NDUFAF2: variants seen among roughly 807,000 people sequenced by gnomAD.
NDUFAF2 encodes NADH dehydrogenase [ubiquinone] 1 alpha subcomplex assembly factor 2.
NDUFAF2 carries 13 observed loss-of-function variants against 22.8 expected under a neutral mutation model. That is an observed-to-expected ratio of 0.57 (90% CI 0.37 to 0.91). The LOEUF (loss-of-function observed/expected upper bound fraction) is 0.91. NDUFAF2 is among the 40% of genes least tolerant of loss of function. NDUFAF2 has a pLI of 0.01. For synonymous variants in NDUFAF2, 53 were observed against 64.2 expected (o/e 0.83, Z 0.84); for missense variants, 162 against 195.2 (o/e 0.83, Z 1.01).
chr5:61,047,566 G>T (rs1751969144), intron 1 of NDUFAF2, among the ~76,000 whole-genome samples: 1 of 152,274 alleles, frequency 6.6e-6, no homozygotes, highest in East Asian at 1.9e-4. Flanking sequence ...ACCAGCCATG[G>T]CTGTTCCCAC....
chr5:61,117,882 A>G (rs1752931733), intron 3 of NDUFAF2, among the ~76,000 whole-genome samples: 1 of 152,070 alleles, frequency 6.6e-6, no homozygotes, highest in Admixed American at 6.6e-5. Context: ...ATCCAATAAA[A>G]CGTTATTTAC....
At chr5:61,042,451 A>G (rs1561549278) in intron 1 of NDUFAF2, among the ~76,000 whole-genome samples, 1 of 152,080 alleles carries the variant, frequency 6.6e-6, no homozygotes, top group Admixed American at 6.6e-5. Flanking sequence ...ATTTGTGTGT[A>G]ATATATATAT....
At chr5:61,039,759 T>G (rs1316273813) in intron 1 of NDUFAF2, among the ~76,000 whole-genome samples, 1 of 152,194 alleles carries the variant, frequency 6.6e-6, no homozygotes, top group East Asian at 1.9e-4. Flanking sequence ...CCATAGCATC[T>G]CATTGATTTC....
chr5:60,993,505 G>C (rs1751187695), intron 1 of NDUFAF2, among the ~76,000 whole-genome samples: 1 of 152,228 alleles, frequency 6.6e-6, no homozygotes, highest in Non-Finnish European at 1.5e-5. Context: ...TGAGCAAGGT[G>C]AAGAGGAGCA....
chr5:61,003,886 T>C (rs1387269946), intron 1 of NDUFAF2, among the ~76,000 whole-genome samples: 3 of 152,014 alleles, frequency 2.0e-5, no homozygotes, highest in African/African-American at 7.2e-5. Context: ...AGGTTGGTCC[T>C]GAAGCTCTGT....
At chr5:61,107,331 G>T (rs1346574036) in intron 3 of NDUFAF2, among the ~76,000 whole-genome samples, 1 of 151,334 alleles carries the variant, frequency 6.6e-6, no homozygotes, top group Non-Finnish European at 1.5e-5. Context: ...TTTCTATGAT[G>T]ATCAGTGATG....
chr5:60,969,123 T>G (rs571840858), intron 1 of NDUFAF2, among the ~76,000 whole-genome samples: 3 of 152,204 alleles, frequency 2.0e-5, no homozygotes, highest in African/African-American at 7.2e-5. Context: ...TTAACGGACA[T>G]TTAGGTTGCT....
intron 3 of NDUFAF2, 99 bp from the exon 4 acceptor site, chr5:61,152,599 ATATATT>A: frequency 1.3e-6 from 1 of 757,510 alleles, no homozygotes; most frequent in Non-Finnish European, 2.0e-6. Context: ...GTATGTATGT[ATATATT>A]TATATGTATA....
intron 1 of NDUFAF2, among the ~76,000 whole-genome samples, chr5:60,968,309 A>G (rs1473254922): frequency 6.6e-6 from 1 of 151,718 alleles, no homozygotes; most frequent in Non-Finnish European, 1.5e-5. Flanking sequence ...GATCATATCT[A>G]TTGGGTTTCT....
chr5:61,015,604 T>C (rs1751497568), intron 1 of NDUFAF2, among the ~76,000 whole-genome samples: 1 of 152,180 alleles, frequency 6.6e-6, no homozygotes, highest in African/African-American at 2.4e-5. Flanking sequence ...TTTCTGTATT[T>C]AATATGAAAG....
intron 1 of NDUFAF2, among the ~76,000 whole-genome samples, chr5:61,042,412 A>G (rs1017588086): frequency 1.3e-5 from 2 of 152,212 alleles, no homozygotes; most frequent in Non-Finnish European, 2.9e-5. Flanking sequence ...GTGGAAAAAC[A>G]AAAGTGAGGA....
intron 3 of NDUFAF2, among the ~76,000 whole-genome samples, chr5:61,133,551 G>A (rs531600800): frequency 1.1e-4 from 16 of 152,082 alleles, no homozygotes; most frequent in South Asian, 6.2e-4. Context: ...AATTTTCAGC[G>A]TTACAAAGGG....
At chr5:61,120,182 T>G (rs1752959434) in intron 3 of NDUFAF2, among the ~76,000 whole-genome samples, 1 of 152,200 alleles carries the variant, frequency 6.6e-6, no homozygotes, top group East Asian at 1.9e-4. Flanking sequence ...GATAATGACC[T>G]CTACCTCTGT....
intron 1 of NDUFAF2, among the ~76,000 whole-genome samples, chr5:60,982,979 A>T (rs939995368): frequency 6.6e-6 from 1 of 151,838 alleles, no homozygotes; most frequent in Non-Finnish European, 1.5e-5. Flanking sequence ...CGCCACACTG[A>T]CTTCCACAAT....
intron 1 of NDUFAF2, among the ~76,000 whole-genome samples, chr5:60,974,581 G>C (rs1750876994): frequency 6.6e-6 from 1 of 152,004 alleles, no homozygotes; most frequent in Admixed American, 6.6e-5. Flanking sequence ...TCAAACTCCT[G>C]AGCTCAGGTA....
chr5:61,020,371 T>C (rs2112603246), intron 1 of NDUFAF2, among the ~76,000 whole-genome samples: 1 of 152,276 alleles, frequency 6.6e-6, no homozygotes, highest in South Asian at 2.1e-4. Context: ...AGTTTTTAGT[T>C]TCTTTGTTTT....
intron 1 of NDUFAF2, among the ~76,000 whole-genome samples, chr5:61,022,079 A>C (rs943559387): frequency 2.6e-5 from 4 of 152,188 alleles, no homozygotes; most frequent in Admixed American, 2.6e-4. Context: ...GCTTTACTCA[A>C]AGTCTACTAA....
At chr5:61,048,668 T>G (rs1751985553) in intron 1 of NDUFAF2, among the ~76,000 whole-genome samples, 1 of 152,194 alleles carries the variant, frequency 6.6e-6, no homozygotes, top group African/African-American at 2.4e-5. Context: ...TCAGCAAAGT[T>G]GATCTTAATC....
At chr5:60,972,400 TGTG>T (rs1750845543) in intron 1 of NDUFAF2, among the ~76,000 whole-genome samples, 1 of 152,268 alleles carries the variant, frequency 6.6e-6, no homozygotes, top group South Asian at 2.1e-4. Flanking sequence ...ATCCTGCTCT[TGTG>T]GTGATGAGTG....
Sources: gnomAD v4.1 joint callset for allele counts (sites outside exome capture counted in the v4.1 genomes callset) on GRCh38, gnomAD v4.1.1 for gene constraint, MANE v1.5 for transcripts, NCBI Gene and HGNC (gene_info 2026-07-23, HGNC 2026-07-21) for gene names.